Variants in NRXN1 observed in about 807,000 individuals in gnomAD.
NRXN1 encodes neurexin-1.
Under a neutral mutation model 150.9 loss-of-function variants are expected in NRXN1, and 39 were observed. The ratio of observed to expected loss-of-function variants is 0.26; its 90% CI spans 0.20 to 0.34. The LOEUF (loss-of-function observed/expected upper bound fraction) is 0.34. Ranked by LOEUF, NRXN1 falls within the 10% of genes least tolerant of loss-of-function variation. NRXN1 has a pLI of 1.00. For synonymous variants in NRXN1, 924 were observed against 757.0 expected (o/e 1.22, Z -3.62); for missense variants, 1,815 against 1,949.9 (o/e 0.93, Z 1.30).
intron 18 of NRXN1, among the ~76,000 whole-genome samples, chr2:50,138,181 A>C (rs868418468): frequency 6.6e-6 from 1 of 152,192 alleles, no homozygotes; most frequent in East Asian, 1.9e-4. Context: ...AACCCATATG[A>C]TCTTCTCAGA....
intron 17 of NRXN1, among the ~76,000 whole-genome samples, chr2:50,259,056 T>C (rs1271715112): frequency 6.6e-6 from 1 of 151,972 alleles, no homozygotes; most frequent in East Asian, 1.9e-4. Context: ...TTTAGAATGG[T>C]TAATAAGCAT....
At chr2:50,239,534 T>C (rs1338227559) in intron 17 of NRXN1, among the ~76,000 whole-genome samples, 8 of 149,372 alleles carry the variant, frequency 5.4e-5, no homozygotes, top group Non-Finnish European at 3.0e-5. Flanking sequence ...TTATGGAACA[T>C]AGGGCAGACA....
intron 18 of NRXN1, among the ~76,000 whole-genome samples, chr2:50,199,559 CACACACACAT>C (rs929532448): frequency 1.2e-4 from 15 of 122,946 alleles, no homozygotes; most frequent in East Asian, 4.3e-4. Flanking sequence ...CACACACACA[CACACACACAT>C]GCACACTGAC....
intron 17 of NRXN1, among the ~76,000 whole-genome samples, chr2:50,322,776 T>C (rs1349876189): frequency 5.9e-5 from 9 of 152,236 alleles, no homozygotes; most frequent in Non-Finnish European, 1.0e-4. Context: ...AAATTAAGTT[T>C]CATGGAGTTA....
chr2:49,966,146 T>G (rs764041362), intron 21 of NRXN1, among the ~76,000 whole-genome samples: 5 of 152,166 alleles, frequency 3.3e-5, no homozygotes, highest in Non-Finnish European at 7.4e-5. Flanking sequence ...AGCTAGAAGT[T>G]TGGTAACACA....
At chr2:50,557,081 C>T (rs1338176294) in intron 8 of NRXN1, among the ~76,000 whole-genome samples, 1 of 152,152 alleles carries the variant, frequency 6.6e-6, no homozygotes, top group Non-Finnish European at 1.5e-5. Context: ...GTGTTCACTG[C>T]ATCTTCTCGT....
At chr2:50,642,473 A>T (rs1469382293) in intron 5 of NRXN1, among the ~76,000 whole-genome samples, 1 of 152,030 alleles carries the variant, frequency 6.6e-6, no homozygotes, top group African/African-American at 2.4e-5. Context: ...AAATTAATGA[A>T]ATTTGACTCG....
chr2:50,372,699 C>G (rs1229661408), intron 17 of NRXN1, among the ~76,000 whole-genome samples: 1 of 152,026 alleles, frequency 6.6e-6, no homozygotes, highest in African/African-American at 2.4e-5. Context: ...TTTTATTTTG[C>G]AATACTCACT....
chr2:50,189,124 T>A (rs768557092), intron 18 of NRXN1, among the ~76,000 whole-genome samples: 3 of 152,082 alleles, frequency 2.0e-5, no homozygotes, highest in Non-Finnish European at 2.9e-5. Context: ...ACCCAAATGA[T>A]CATCAATGAT....
At chr2:50,324,264 C>T in intron 17 of NRXN1, among the ~76,000 whole-genome samples, 1 of 152,112 alleles carries the variant, frequency 6.6e-6, no homozygotes, top group Non-Finnish European at 1.5e-5. Flanking sequence ...AAGGCAAAAT[C>T]AGCAGTTAGG....
At chr2:50,745,244 T>C (rs778675706) in intron 5 of NRXN1, among the ~76,000 whole-genome samples, 68 of 152,076 alleles carry the variant, frequency 4.5e-4, no homozygotes, top group Non-Finnish European at 4.6e-4. Context: ...GCTATCACAA[T>C]ACTTGGTCCA....
chr2:50,304,571 T>C (rs2074442379), intron 17 of NRXN1, among the ~76,000 whole-genome samples: 1 of 152,154 alleles, frequency 6.6e-6, no homozygotes, highest in Admixed American at 6.5e-5. Context: ...GGGTAATATA[T>C]AAACACAAAT....
chr2:49,987,589 C>G (rs548083090), intron 21 of NRXN1, among the ~76,000 whole-genome samples: 1 of 151,920 alleles, frequency 6.6e-6, no homozygotes, highest in South Asian at 2.1e-4. Context: ...ATTCAATGAC[C>G]CATTGATAGA....
chr2:50,006,411 A>G (rs1684776562), intron 21 of NRXN1, among the ~76,000 whole-genome samples: 1 of 152,056 alleles, frequency 6.6e-6, no homozygotes, highest in South Asian at 2.1e-4. Context: ...ATTGCTCTCT[A>G]ATGCCTGCAG....
chr2:50,036,559 C>T (rs542287428), intron 21 of NRXN1, among the ~76,000 whole-genome samples: 1 of 152,142 alleles, frequency 6.6e-6, no homozygotes, highest in African/African-American at 2.4e-5. Context: ...AACTTTTTAG[C>T]TATTAAATTT....
intron 5 of NRXN1, among the ~76,000 whole-genome samples, chr2:50,733,637 T>C (rs1698370666): frequency 6.6e-6 from 1 of 152,158 alleles, no homozygotes; most frequent in Non-Finnish European, 1.5e-5. Context: ...AAGTAACTGT[T>C]GTATAAGGAC....
intron 21 of NRXN1, among the ~76,000 whole-genome samples, chr2:50,033,861 C>T (rs946110423): frequency 6.6e-6 from 1 of 150,766 alleles, no homozygotes; most frequent in Non-Finnish European, 1.5e-5. Flanking sequence ...ATGCAGCCAA[C>T]AAGCATATTT....
intron 2 of NRXN1, among the ~76,000 whole-genome samples, chr2:50,973,204 T>G (rs1302892461): frequency 6.6e-6 from 1 of 152,156 alleles, no homozygotes; most frequent in Non-Finnish European, 1.5e-5. Flanking sequence ...AACTTTAAAG[T>G]GGCCAGGGAT....
At chr2:50,339,949 T>C (rs949120781) in intron 17 of NRXN1, among the ~76,000 whole-genome samples, 3 of 152,226 alleles carry the variant, frequency 2.0e-5, no homozygotes, top group African/African-American at 7.2e-5. Context: ...AAAGTACCAA[T>C]GCTGGGACAA....
Sources: allele counts gnomAD v4.1 joint callset (sites outside exome capture counted in the v4.1 genomes callset), GRCh38; gene constraint gnomAD v4.1.1; transcripts MANE v1.5; gene names NCBI Gene and HGNC (gene_info 2026-07-23, HGNC 2026-07-21).